The following GXYLT1 variants were observed in gnomAD, a reference collection of about 807,000 sequenced individuals.
GXYLT1 encodes glycosyltransferase 8 domain containing 3.
Under a neutral mutation model 54.0 loss-of-function variants are expected in GXYLT1, and 29 were observed. The ratio of observed to expected loss-of-function variants is 0.54; its 90% confidence interval spans 0.40 to 0.73. The LOEUF (loss-of-function observed/expected upper bound fraction) is 0.73, where lower values mean the gene tolerates loss of function less well. GXYLT1 is among the 30% of genes least tolerant of loss of function. GXYLT1 has a pLI of 0.00. For synonymous variants in GXYLT1, 176 were observed against 204.1 expected, an observed-to-expected ratio of 0.86 and a Z score of 1.17; for missense variants, 490 against 553.4, an observed-to-expected ratio of 0.89 and a Z score of 1.15.
intron 1 of GXYLT1, among the ~76,000 whole-genome samples, chr12:42,142,619 C>T (rs2065658255): frequency 6.6e-6 from 1 of 152,154 alleles, no homozygotes; most frequent in African/African-American, 2.4e-5. Context: ...TCTGGGATTA[C>T]AGGCGTGAGC....
intron 5 of GXYLT1, among the ~76,000 whole-genome samples, chr12:42,100,252 A>C (rs1291696650): frequency 6.6e-6 from 1 of 152,222 alleles, no homozygotes; most frequent in Non-Finnish European, 1.5e-5. Context: ...AGCAGTTCAC[A>C]TAGTGTGCTA....
chr12:42,114,496 A>G (rs2065480293), intron 3 of GXYLT1, among the ~76,000 whole-genome samples: 1 of 152,234 alleles, frequency 6.6e-6, no homozygotes, highest in Non-Finnish European at 1.5e-5. Context: ...ACAATACTAT[A>G]AAGACCTCTA....
intron 5 of GXYLT1, among the ~76,000 whole-genome samples, chr12:42,105,486 T>G (rs2065413822): frequency 6.6e-6 from 1 of 152,154 alleles, no homozygotes; most frequent in African/African-American, 2.4e-5. Flanking sequence ...ATATCATAAT[T>G]TAGATTCTAT....
chr12:42,098,226 G>C (rs2065368303), intron 5 of GXYLT1, among the ~76,000 whole-genome samples, 193 bp from the exon 6 acceptor site: 1 of 152,082 alleles, frequency 6.6e-6, no homozygotes, highest in Non-Finnish European at 1.5e-5. Context: ...ATAACAAAAG[G>C]AAGTTGTATG....
chr12:42,096,349 G>A (rs2065355572), intron 7 of GXYLT1, among the ~76,000 whole-genome samples: 2 of 152,122 alleles, frequency 1.3e-5, no homozygotes, highest in Middle Eastern at 3.4e-3. Context: ...TATTTTGTTG[G>A]AACAGAAAAT....
intron 1 of GXYLT1, among the ~76,000 whole-genome samples, chr12:42,138,151 C>T (rs2065631376): frequency 6.6e-6 from 1 of 152,136 alleles, no homozygotes; most frequent in Admixed American, 6.5e-5. Flanking sequence ...CCTGTAGTCC[C>T]AGCTACTCAG....
chr12:42,097,853 T>C, intron 6 of GXYLT1, 57 bp downstream of exon 6: 1 of 1,324,872 alleles, frequency 7.5e-7, no homozygotes, highest in East Asian at 2.3e-5. Context: ...TTTTCCTTTT[T>C]CACTAAGTAT....
At chr12:42,119,487 A>G (rs2065517806) in intron 2 of GXYLT1, among the ~76,000 whole-genome samples, 2 of 152,116 alleles carry the variant, frequency 1.3e-5, no homozygotes, top group Non-Finnish European at 2.9e-5. Context: ...AAGGAAAAAA[A>G]AAAGAAAGAA....
chr12:42,134,141 A>G (rs1467254719), intron 1 of GXYLT1, among the ~76,000 whole-genome samples: 3 of 152,086 alleles, frequency 2.0e-5, no homozygotes, highest in Non-Finnish European at 4.4e-5. Flanking sequence ...TTGAGGCTAC[A>G]GTGAATTGTG....
intron 3 of GXYLT1, 147 bp from the exon 4 acceptor site, chr12:42,109,838 C>T (rs545662558): frequency 3.3e-5 from 17 of 520,124 alleles, no homozygotes; most frequent in Admixed American, 8.4e-5. Context: ...TCTTCTGTTC[C>T]ACCACTGTAT....
chr12:42,134,290 C>G (rs1435998307), intron 1 of GXYLT1, among the ~76,000 whole-genome samples: 2 of 152,154 alleles, frequency 1.3e-5, no homozygotes, highest in Admixed American at 6.5e-5. Flanking sequence ...TACCTCATCT[C>G]AGACTAGTCT....
chr12:42,122,836 T>C (rs1272635943), intron 2 of GXYLT1, among the ~76,000 whole-genome samples: 2 of 152,180 alleles, frequency 1.3e-5, no homozygotes, highest in South Asian at 2.1e-4. Flanking sequence ...ATAAAAGCAC[T>C]GTTACAGTGT....
intron 5 of GXYLT1, among the ~76,000 whole-genome samples, chr12:42,102,278 A>C (rs1416414310): frequency 6.6e-6 from 1 of 152,270 alleles, no homozygotes; most frequent in Non-Finnish European, 1.5e-5. Flanking sequence ...ACTTCACTTT[A>C]AAAAGTTCTA....
chr12:42,097,773 A>C, intron 6 of GXYLT1, 137 bp downstream of exon 6: 2 of 1,003,580 alleles, frequency 2.0e-6, no homozygotes, highest in Non-Finnish European at 2.9e-6. Flanking sequence ...AAATTCAAGA[A>C]AAGTTTTACT....
At chr12:42,129,883 T>G (rs756289067) in intron 1 of GXYLT1, 32 bp from the exon 2 acceptor site, 10 of 1,432,792 alleles carry the variant, frequency 7.0e-6, no homozygotes, top group Non-Finnish European at 9.8e-6. Flanking sequence ...AAGAGTCCTG[T>G]GTGAGTATTT....
intron 7 of GXYLT1, among the ~76,000 whole-genome samples, chr12:42,093,823 CCACTGCG>C (rs2065341404): frequency 6.6e-6 from 1 of 152,046 alleles, no homozygotes; most frequent in African/African-American, 2.4e-5. Context: ...CAGATATGAG[CCACTGCG>C]CCCAGCCAAA....
chr12:42,089,258 G>C (rs1223363904), intron 7 of GXYLT1, among the ~76,000 whole-genome samples: 2 of 147,264 alleles, frequency 1.4e-5, no homozygotes, highest in Non-Finnish European at 3.0e-5. Flanking sequence ...ATGACTGCAT[G>C]TTCTCATTCA....
intron 7 of GXYLT1, among the ~76,000 whole-genome samples, chr12:42,096,502 C>A (rs11181322): frequency 0.17 from 26,335 of 152,026 alleles, 2,302 homozygotes; most frequent in Admixed American, 0.23. Flanking sequence ...ATTGGAGGAA[C>A]ATAAGTATCA....
At position 42,135,044 on chromosome 12, in the gene GXYLT1, A is replaced by G. The variant is rs182714880; in HGVS notation, c.222-5193T>C. Reference sequence around the variant, plus strand: ...TTACCATGGGCCTTGCCTGCCTGATAAGGGAGGCATATATCCCTGCATCAT... The same window carrying G: ...TTACCATGGGCCTTGCCTGCCTGATGAGGGAGGCATATATCCCTGCATCAT... On this transcript the variant is annotated intron_variant, in intron 1 of 7. Coordinates refer to ENST00000398675, the MANE Select transcript of GXYLT1 (RefSeq NM_173601.2). Among the ~76,000 whole-genome samples the G allele has an allele frequency of 9.9e-4, 151 of 152,340 alleles. 2 individuals are homozygous for G. The highest frequency in any genetic ancestry group is 3.5e-3 in the African/African-American group (145 of 41,588).
Sources: gnomAD v4.1 joint callset for allele counts (sites outside exome capture counted in the v4.1 genomes callset) on GRCh38, gnomAD v4.1.1 for gene constraint, MANE v1.5 for transcripts, NCBI Gene and HGNC (gene_info 2026-07-23, HGNC 2026-07-21) for gene names.